Variants in MMD2 observed in about 807,000 individuals in gnomAD.
MMD2 encodes the protein monocyte to macrophage differentiation factor 2.
In MMD2, 30 loss-of-function variants were observed where a neutral mutation model predicts 33.5. That is an observed-to-expected ratio of 0.90 (90% CI 0.67 to 1.22). MMD2 has a LOEUF of 1.22. Ranked by LOEUF, MMD2 falls within the 50% of genes most tolerant of loss-of-function variation. The pLI is 0.00. For synonymous variants in MMD2, 129 were observed against 123.0 expected (o/e 1.05, Z -0.32); for missense variants, 364 against 325.4 (o/e 1.12, Z -0.91).
At chr7:4,927,886 T>C (rs1055524561) in intron 1 of MMD2, among the ~76,000 whole-genome samples, 2 of 152,130 alleles carry the variant, frequency 1.3e-5, no homozygotes, top group African/African-American at 4.8e-5. Flanking sequence ...AGAAATCACC[T>C]GGTGGGAAGG....
intron 1 of MMD2, among the ~76,000 whole-genome samples, chr7:4,937,116 G>C (rs930435991): frequency 4.0e-5 from 6 of 151,216 alleles, no homozygotes; most frequent in Non-Finnish European, 1.5e-5. Context: ...AATTATTGTG[G>C]GCCGGGCATG....
chr7:4,954,781 G>A (rs1786340580), intron 1 of MMD2, among the ~76,000 whole-genome samples: 3 of 152,084 alleles, frequency 2.0e-5, no homozygotes, highest in South Asian at 4.1e-4. Context: ...TACTTTATGT[G>A]CCTTCAGAAC....
chr7:4,900,719 C>A, the MMD2 span, among the ~76,000 whole-genome samples: 2 of 152,122 alleles, frequency 1.3e-5, no homozygotes, highest in Non-Finnish European at 2.9e-5. Context: ...ATCCCCCCCA[C>A]AACCCATATC....
chr7:4,892,727 GT>G, the MMD2 span, among the ~76,000 whole-genome samples: 1 of 151,802 alleles, frequency 6.6e-6, no homozygotes, highest in African/African-American at 2.4e-5. Context: ...TTTCTCTTTT[GT>G]TTTTTGAGAT....
intron 2 of MMD2, among the ~76,000 whole-genome samples, chr7:4,923,372 G>C (rs1785335849): frequency 6.6e-6 from 1 of 152,128 alleles, no homozygotes; most frequent in Non-Finnish European, 1.5e-5. Flanking sequence ...CCAAAGTGCT[G>C]GGATTACAGG....
chr7:4,924,107 GCA>G (rs1785358834), intron 2 of MMD2, among the ~76,000 whole-genome samples: 1 of 152,178 alleles, frequency 6.6e-6, no homozygotes, highest in Non-Finnish European at 1.5e-5. Context: ...CAGGAGAATG[GCA>G]TGAACCCAGG....
chr7:4,896,249 G>A, the MMD2 span, among the ~76,000 whole-genome samples: 17 of 152,134 alleles, frequency 1.1e-4, no homozygotes, highest in Non-Finnish European at 2.9e-5. Flanking sequence ...GGAGGCTGAG[G>A]CGGGTGGACT....
At position 4,906,398 on chromosome 7, in the gene MMD2, C is replaced by G. The variant is rs1168591693; in HGVS notation, c.*998G>C. On this transcript the variant is annotated 3_prime_UTR_variant, in exon 7 of 7. Coordinates refer to ENST00000401401, the MANE Select transcript of MMD2 (RefSeq NM_198403.4). ...TCTGTTTGGGGTACACCTGAGTAGC[C>G]TCTAACAGCCACTGATTGGCACCAA... 7.5e-6 allele frequency: 3 copies of G among 398,178 alleles called. No individual in the cohort carries two copies. Among genetic ancestry groups the G allele is most frequent in the African/African-American group, 2.1e-5 (1 of 48,606 alleles). 24.7% of individuals were successfully genotyped at this position (398,178 alleles called of 1,614,324 possible).
intron 2 of MMD2, among the ~76,000 whole-genome samples, chr7:4,924,889 C>A (rs1413746174): frequency 6.6e-6 from 1 of 152,072 alleles, no homozygotes; most frequent in Non-Finnish European, 1.5e-5. Context: ...GCTAGAGTGA[C>A]AGGATGCCAT....
At chr7:4,918,345 G>A (rs1327677264) in intron 3 of MMD2, among the ~76,000 whole-genome samples, 1 of 152,178 alleles carries the variant, frequency 6.6e-6, no homozygotes, top group Non-Finnish European at 1.5e-5. Flanking sequence ...CGGCTCAACT[G>A]CATGTCTTCC....
chr7:4,936,567 T>A (rs1441789044), intron 1 of MMD2, among the ~76,000 whole-genome samples: 1 of 152,154 alleles, frequency 6.6e-6, no homozygotes, highest in Non-Finnish European at 1.5e-5. Flanking sequence ...CATTACTAAT[T>A]TATTTTGTAG....
At chr7:4,935,207 G>A (rs1785704769) in intron 1 of MMD2, among the ~76,000 whole-genome samples, 1 of 151,740 alleles carries the variant, frequency 6.6e-6, no homozygotes, top group East Asian at 1.9e-4. Flanking sequence ...AAAAAAACTA[G>A]CTATACATGG....
chr7:4,894,006 G>T, the MMD2 span, among the ~76,000 whole-genome samples: 1 of 152,094 alleles, frequency 6.6e-6, no homozygotes, highest in Admixed American at 6.6e-5. This position sits in a 1 kb window ranked among gnomAD's most constrained non-coding sequence, Gnocchi z 4.3. Context: ...CCTGTATCTT[G>T]TGCTGACCTC....
intron 1 of MMD2, 53 bp from the exon 2 acceptor site, chr7:4,925,585 C>G (rs938924310): frequency 1.4e-6 from 2 of 1,416,766 alleles, no homozygotes; most frequent in African/African-American, 1.5e-5. Context: ...AGGTGCCATC[C>G]GAATTCCCAG....
At chr7:4,911,283 G>C in intron 4 of MMD2, 37 bp from the exon 5 acceptor site, 1 of 1,520,716 alleles carries the variant, frequency 6.6e-7, no homozygotes, top group Non-Finnish European at 8.9e-7. Flanking sequence ...GCCCTGAGGG[G>C]GGCCCACCAG....
At chr7:4,930,508 G>A (rs991318781) in intron 1 of MMD2, among the ~76,000 whole-genome samples, 1 of 151,816 alleles carries the variant, frequency 6.6e-6, no homozygotes, top group Non-Finnish European at 1.5e-5. Flanking sequence ...GCCAGGCGTA[G>A]TGGTGGGCGA....
chr7:4,953,089 A>G (rs1028786492), intron 1 of MMD2, among the ~76,000 whole-genome samples: 2 of 151,676 alleles, frequency 1.3e-5, no homozygotes, highest in African/African-American at 4.8e-5. Context: ...ATCCACCGGG[A>G]TTACAGGCAT....
chr7:4,913,570 T>G (rs1583359783), intron 4 of MMD2, among the ~76,000 whole-genome samples: 1 of 151,540 alleles, frequency 6.6e-6, no homozygotes, highest in East Asian at 2.0e-4. Flanking sequence ...ATACAAAAAT[T>G]AGTTGGGAGT....
At chr7:4,919,853 G>A (rs1002077155) in intron 3 of MMD2, among the ~76,000 whole-genome samples, 5 of 150,676 alleles carry the variant, frequency 3.3e-5, no homozygotes, top group Admixed American at 1.3e-4. Flanking sequence ...CTGAGATAGC[G>A]CCACTGCACT....
Sources: allele counts gnomAD v4.1 joint callset (sites outside exome capture counted in the v4.1 genomes callset), GRCh38; gene constraint gnomAD v4.1.1; non-coding constraint Gnocchi (gnomAD v3.1); transcripts MANE v1.5; gene names NCBI Gene and HGNC (gene_info 2026-07-23, HGNC 2026-07-21).